The following ADAMTS3 variants were observed in gnomAD, a reference collection of about 807,000 sequenced individuals.
ADAMTS3 encodes the protein A disintegrin and metalloproteinase with thrombospondin motifs 3.
In ADAMTS3, 73 loss-of-function variants were observed where a neutral mutation model predicts 129.0. That is an observed-to-expected ratio of 0.57 (90% CI 0.47 to 0.69). ADAMTS3 has a LOEUF of 0.69. Ranked by LOEUF, ADAMTS3 falls within the 30% of genes least tolerant of loss-of-function variation. The pLI is 0.00. For missense variants in ADAMTS3, 1,457 were observed against 1,514.5 expected (o/e 0.96, Z 0.63); for synonymous variants, 477 against 510.8 (o/e 0.93, Z 0.89).
chr4:72,327,646 T>G (rs1162259335), intron 5 of ADAMTS3, among the ~76,000 whole-genome samples: 1 of 152,176 alleles, frequency 6.6e-6, no homozygotes, highest in African/African-American at 2.4e-5. Context: ...ATTAGCAGTC[T>G]GACTTCAGGG....
At chr4:72,381,161 G>C (rs1180062371) in intron 4 of ADAMTS3, among the ~76,000 whole-genome samples, 1 of 151,976 alleles carries the variant, frequency 6.6e-6, no homozygotes, top group African/African-American at 2.4e-5. Flanking sequence ...GTGTAGACTG[G>C]GGTGTTATAT....
chr4:72,428,212 T>A (rs961960299), intron 3 of ADAMTS3, among the ~76,000 whole-genome samples: 1 of 152,014 alleles, frequency 6.6e-6, no homozygotes, highest in Non-Finnish European at 1.5e-5. Context: ...TTTCTGAAAG[T>A]CTTAATAATC....
At chr4:72,316,558 C>A (rs940103184) in intron 10 of ADAMTS3, among the ~76,000 whole-genome samples, 1 of 151,992 alleles carries the variant, frequency 6.6e-6, no homozygotes, top group Non-Finnish European at 1.5e-5. Flanking sequence ...CATGTTGGTG[C>A]ATGCCTCTAA....
intron 3 of ADAMTS3, among the ~76,000 whole-genome samples, chr4:72,468,520 T>C (rs535409472): frequency 3.9e-5 from 6 of 152,080 alleles, no homozygotes; most frequent in Non-Finnish European, 8.8e-5. Flanking sequence ...AGGAACTTGA[T>C]GTATCAGTTA....
chr4:72,322,439 A>T (rs1157928665), intron 6 of ADAMTS3, among the ~76,000 whole-genome samples: 1 of 152,200 alleles, frequency 6.6e-6, no homozygotes, highest in Non-Finnish European at 1.5e-5. Context: ...AATGCCTACT[A>T]TGTGCATTTT....
intron 2 of ADAMTS3, among the ~76,000 whole-genome samples, chr4:72,551,824 C>T (rs1721653211): frequency 6.6e-6 from 1 of 152,166 alleles, no homozygotes; most frequent in Non-Finnish European, 1.5e-5. Flanking sequence ...CTCCTATGCT[C>T]TCGTTCACTT....
chr4:72,340,316 AGTGTGT>A (rs35463239), intron 4 of ADAMTS3, among the ~76,000 whole-genome samples: 2 of 147,336 alleles, frequency 1.4e-5, no homozygotes, highest in Admixed American at 6.8e-5. Context: ...TATATACATA[AGTGTGT>A]GTGTGTGTGT....
Position 72,457,956 on chromosome 4 carries a change from A to G in ADAMTS3, c.505-42985T>C, listed in dbSNP as rs925560323. Among the ~76,000 whole-genome samples, 5 of 151,604 alleles carry G rather than the reference A, an allele frequency of 3.3e-5. No individual in the cohort carries two copies. The Admixed American group carries it at 3.3e-4, about 10-fold the overall frequency. ...CTTTGGAGGGGATGAGGCAAAGTGA[A>G]AACAGTTTGGGAGATTAAAGGACAG... On this transcript the variant is annotated intron_variant, in intron 3 of 21. Transcript: ENST00000286657.
At chr4:72,434,387 CTCGTGTCTTTTAA>C in intron 3 of ADAMTS3, among the ~76,000 whole-genome samples, 1 of 23,790 alleles carries the variant, frequency 4.2e-5, no homozygotes, top group South Asian at 4.7e-3. Context: ...AAGACATGAA[CTCGTGTCTTTTAA>C]CTCTTAACTG....
intron 4 of ADAMTS3, among the ~76,000 whole-genome samples, chr4:72,369,571 C>T (rs1720952439): frequency 6.6e-6 from 1 of 151,948 alleles, no homozygotes; most frequent in Non-Finnish European, 1.5e-5. Flanking sequence ...ATTAGCCAGG[C>T]ATGGTAGTGG....
intron 3 of ADAMTS3, among the ~76,000 whole-genome samples, chr4:72,428,550 C>T (rs1722623691): frequency 6.6e-6 from 1 of 152,014 alleles, no homozygotes; most frequent in Non-Finnish European, 1.5e-5. Flanking sequence ...TGATTAAATG[C>T]TCATTTTTTT....
intron 15 of ADAMTS3, among the ~76,000 whole-genome samples, chr4:72,306,687 G>C (rs913822614): frequency 6.6e-6 from 1 of 151,876 alleles, no homozygotes; most frequent in African/African-American, 2.4e-5. Context: ...CGACAACATG[G>C]ATTTTAAACC....
chr4:72,533,077 T>A (rs533014617), intron 3 of ADAMTS3, among the ~76,000 whole-genome samples: 3 of 152,272 alleles, frequency 2.0e-5, no homozygotes, highest in Non-Finnish European at 4.4e-5. Context: ...CTTTATAAAC[T>A]TATAATTTTA....
At chr4:72,338,472 T>C (rs533292938) in intron 5 of ADAMTS3, among the ~76,000 whole-genome samples, 64 of 152,264 alleles carry the variant, frequency 4.2e-4, no homozygotes, top group African/African-American at 1.5e-3. Flanking sequence ...ATTTTATAAA[T>C]TGCTATCTCA....
intron 3 of ADAMTS3, among the ~76,000 whole-genome samples, chr4:72,459,275 T>C (rs1219160041): frequency 2.6e-5 from 4 of 151,620 alleles, no homozygotes; most frequent in South Asian, 4.1e-4. Context: ...TATTGGAAGA[T>C]GGCTTTCCCA....
rs1560564112 is a variant in ADAMTS3 at position 72,550,043 on chromosome 4, GAGGAA to G, written c.98-1164_98-1160del. Among the ~76,000 whole-genome samples the G allele has an allele frequency of 2.9e-3, 17 of 5,852 alleles. 2 individuals carry two copies. The highest frequency in any genetic ancestry group is 9.2e-3 in the African/African-American group (17 of 1,842). 3.8% of individuals were successfully genotyped at this position (5,852 alleles called of 152,430 possible). A position where few individuals can be genotyped will look rare whatever the true frequency, so the allele number is the denominator to read the frequency against. ...AGAAGAAGAAGAAGAAGAAGAAGAA[GAGGAA>G]GAGGAAGAGGAAGAGGAAGAGGAAG... On this transcript the variant is annotated intron_variant, in intron 2 of 21. Transcript: ENST00000286657.
intron 20 of ADAMTS3, among the ~76,000 whole-genome samples, chr4:72,289,807 C>T (rs990830477): frequency 6.6e-6 from 1 of 152,152 alleles, no homozygotes; most frequent in Non-Finnish European, 1.5e-5. Context: ...ATGCCTTCAG[C>T]TACAGGAAGA....
chr4:72,320,475 C>T (rs1201598456), intron 7 of ADAMTS3, among the ~76,000 whole-genome samples: 1 of 152,278 alleles, frequency 6.6e-6, no homozygotes, highest in East Asian at 1.9e-4. Flanking sequence ...CCCCTCCATG[C>T]CCCAAATGCA....
chr4:72,513,210 C>T (rs1720363357), intron 3 of ADAMTS3, among the ~76,000 whole-genome samples: 1 of 152,158 alleles, frequency 6.6e-6, no homozygotes, highest in Non-Finnish European at 1.5e-5. Flanking sequence ...TTTATGTTTT[C>T]TACTTTACCT....
Sources: gnomAD v4.1 joint callset for allele counts (sites outside exome capture counted in the v4.1 genomes callset) on GRCh38, gnomAD v4.1.1 for gene constraint, MANE v1.5 for transcripts, NCBI Gene and HGNC (gene_info 2026-07-23, HGNC 2026-07-21) for gene names.